The following NTM variants were observed in gnomAD, a reference collection of about 807,000 sequenced individuals.
NTM encodes the protein IgLON family member 2.
In NTM, 13 loss-of-function variants were observed where a neutral mutation model predicts 42.1. The observed-to-expected ratio is 0.31, with a 90% CI of 0.20 to 0.49. The LOEUF (loss-of-function observed/expected upper bound fraction) is 0.49, where lower values mean the gene tolerates loss of function less well. NTM is among the 20% of genes least tolerant of loss of function. The pLI is 0.99. For synonymous variants in NTM, 187 were observed against 179.2 expected, an observed-to-expected ratio of 1.04 and a Z score of -0.35; for missense variants, 373 against 452.8, an observed-to-expected ratio of 0.82 and a Z score of 1.60.
At chr11:131,911,523 C>T in intron 1 of NTM, 41 bp from the exon 2 acceptor site, 1 of 1,614,158 alleles carries the variant, frequency 6.2e-7, no homozygotes, top group African/African-American at 1.3e-5. Context: ...GGAAGTGCCT[C>T]GTGGTCGTGT....
At chr11:131,796,473 C>T (rs984065355) in intron 1 of NTM, among the ~76,000 whole-genome samples, 1 of 152,220 alleles carries the variant, frequency 6.6e-6, no homozygotes, top group Non-Finnish European at 1.5e-5. Context: ...TATGAAGGGC[C>T]TTTGCAGGGA....
rs542593194 is a variant in NTM at position 131,610,452 on chromosome 11, T to G, written c.82+239564T>G. On this transcript the variant is annotated intron_variant, in intron 1 of 8. Coordinates refer to ENST00000683400, the MANE Select transcript of NTM (RefSeq NM_001352005.2). ...ATAAGTGCAGAATTCTTCTCCTATG[T>G]AGAATAGTGGGCTCAACCCAGCTGG... 2.7e-3 allele frequency among the ~76,000 whole-genome samples: 408 copies of G among 152,334 alleles called. 3 individuals carry two copies. The highest frequency in any genetic ancestry group is 9.6e-3 in the African/African-American group (400 of 41,580).
chr11:131,779,487 T>C (rs2087667354), intron 1 of NTM, among the ~76,000 whole-genome samples: 1 of 152,312 alleles, frequency 6.6e-6, no homozygotes, highest in East Asian at 1.9e-4. Context: ...AGCAATATGA[T>C]AGATGGTGTC....
At chr11:131,679,777 C>T (rs1293893849) in intron 1 of NTM, among the ~76,000 whole-genome samples, 3 of 152,066 alleles carry the variant, frequency 2.0e-5, no homozygotes, top group Non-Finnish European at 4.4e-5. Flanking sequence ...CTTGGAAACT[C>T]TGGGGTGAGC....
At chr11:131,815,097 T>C (rs889757350) in intron 1 of NTM, among the ~76,000 whole-genome samples, 1 of 152,166 alleles carries the variant, frequency 6.6e-6, no homozygotes, top group Admixed American at 6.5e-5. Context: ...CTCGTGTGGC[T>C]TCTGTCACCC....
intron 2 of NTM, among the ~76,000 whole-genome samples, chr11:131,991,880 G>A (rs1004879459): frequency 3.3e-5 from 5 of 152,162 alleles, no homozygotes; most frequent in Non-Finnish European, 7.3e-5. Context: ...GGGAGGAGGA[G>A]AAAGGTTGAT....
chr11:131,370,675 T>C lies in NTM; in HGVS notation c.-132T>C, dbSNP rs1033678194. On this transcript the variant is annotated 5_prime_UTR_variant, in exon 1 of 9. Coordinates refer to ENST00000683400, the MANE Select transcript of NTM (RefSeq NM_001352005.2). Reference sequence around the variant, plus strand: ...CTCTCTCACACCCTCGGCTTTCTTGTTGTGTCCTTCAGCAAAACAGTGGAT... The same window carrying C: ...CTCTCTCACACCCTCGGCTTTCTTGCTGTGTCCTTCAGCAAAACAGTGGAT... 4 of 721,140 alleles carry C rather than the reference T, an allele frequency of 5.5e-6. No individual in the cohort carries two copies. The highest frequency in any genetic ancestry group is 6.8e-6 in the Non-Finnish European group (3 of 438,026). 44.7% of individuals were successfully genotyped at this position (721,140 alleles called of 1,614,324 possible).
At chr11:131,417,074 G>A (rs1239470302) in intron 1 of NTM, among the ~76,000 whole-genome samples, 2 of 152,132 alleles carry the variant, frequency 1.3e-5, no homozygotes, top group South Asian at 2.1e-4. Context: ...CTAATGAATT[G>A]TATCATTTTT....
chr11:132,197,942 A>G (rs1322950231), intron 3 of NTM, among the ~76,000 whole-genome samples: 1 of 152,048 alleles, frequency 6.6e-6, no homozygotes, highest in Non-Finnish European at 1.5e-5. Context: ...TATTGTGAGT[A>G]GTGCCACAGT....
At chr11:131,870,719 G>T (rs2047693103) in intron 1 of NTM, among the ~76,000 whole-genome samples, 1 of 152,114 alleles carries the variant, frequency 6.6e-6, no homozygotes, top group Non-Finnish European at 1.5e-5. Flanking sequence ...GAGAGAAAAT[G>T]ATTGAAATAA....
At chr11:131,552,504 C>CA (rs36101549) in intron 1 of NTM, among the ~76,000 whole-genome samples, 3,779 of 72,986 alleles carry the variant, frequency 0.052, 81 homozygotes, top group Middle Eastern at 0.083. Flanking sequence ...GACTCCGTCT[C>CA]AAAAAAAAAA....
intron 4 of NTM, among the ~76,000 whole-genome samples, chr11:132,235,993 G>GACACAC (rs367555812): frequency 2.2e-4 from 22 of 101,268 alleles, no homozygotes; most frequent in African/African-American, 4.7e-4. Context: ...CACACACACA[G>GACACAC]ACACACACAC....
In NTM at chr11:132,002,335, G is replaced by A. The variant is rs2069486505; in HGVS notation, c.167+90687G>A. ...TTATTTGGAACATTAATATGCTGGTGTATCATATATTTTAATAAGAATTCA... is the reference window on the plus strand; with the variant it reads ...TTATTTGGAACATTAATATGCTGGTATATCATATATTTTAATAAGAATTCA... On this transcript the variant is annotated intron_variant, in intron 2 of 8. Transcript: ENST00000683400. This position sits in a 1 kb window ranked among gnomAD's most constrained non-coding sequence, Gnocchi z 4.5. Among the ~76,000 whole-genome samples, 1 of 152,112 alleles carries A rather than the reference G, an allele frequency of 6.6e-6. No homozygotes were observed. The highest frequency in any genetic ancestry group is 1.5e-5 in the Non-Finnish European group (1 of 68,016).
chr11:132,217,384 G>A (rs1040969724), intron 4 of NTM, among the ~76,000 whole-genome samples: 1 of 151,046 alleles, frequency 6.6e-6, no homozygotes, highest in Non-Finnish European at 1.5e-5. Context: ...GTGTGTGTGT[G>A]TGTGTGTATG....
rs562311356 is a variant in NTM at position 132,234,971 on chromosome 11, C to T, written c.526+22824C>T. Among the ~76,000 whole-genome samples, 31 of 152,264 alleles carry T rather than the reference C, an allele frequency of 2.0e-4. No homozygotes were observed. The South Asian group carries it at 6.2e-3, about 31-fold the overall frequency. ...AAACAGATATTGAATTAAATCAGGA[C>T]GGGCCTTTGGTGAACCAGCAGGCAA... On this transcript the variant is annotated intron_variant, in intron 4 of 8. Coordinates refer to ENST00000683400, the MANE Select transcript of NTM (RefSeq NM_001352005.2).
At chr11:132,312,825 A>G (rs1420573548) in intron 6 of NTM, 1 of 154,592 alleles carries the variant, frequency 6.5e-6, no homozygotes, top group African/African-American at 2.4e-5. Context: ...CAATGTATAC[A>G]TAGCAAGCTG....
intron 1 of NTM, among the ~76,000 whole-genome samples, chr11:131,765,168 A>G (rs762731613): frequency 5.9e-5 from 9 of 152,170 alleles, no homozygotes; most frequent in Non-Finnish European, 1.0e-4. Context: ...CCTGGTGCCC[A>G]TACCAATCCA....
At chr11:131,874,432 C>T (rs574561672) in intron 1 of NTM, among the ~76,000 whole-genome samples, 59 of 152,150 alleles carry the variant, frequency 3.9e-4, no homozygotes, top group African/African-American at 1.3e-3. Context: ...AACAAAATAA[C>T]AGTTAAGACA....
chr11:131,729,092 G>A (rs577177532), intron 1 of NTM, among the ~76,000 whole-genome samples: 68 of 152,262 alleles, frequency 4.5e-4, no homozygotes, highest in African/African-American at 1.5e-3. Context: ...AAAATGTCCA[G>A]GCATGTACTA....
Sources: gnomAD v4.1 joint callset for allele counts (sites outside exome capture counted in the v4.1 genomes callset) on GRCh38, gnomAD v4.1.1 for gene constraint, Gnocchi (gnomAD v3.1) non-coding constraint, MANE v1.5 for transcripts, NCBI Gene and HGNC (gene_info 2026-07-23, HGNC 2026-07-21) for gene names.